TSPAN9: variants seen among roughly 807,000 people sequenced by gnomAD.
TSPAN9 encodes tetraspanin-9.
TSPAN9 carries 16 observed loss-of-function variants against 31.0 expected under a neutral mutation model. That is an observed-to-expected ratio of 0.52 (90% CI 0.35 to 0.78). TSPAN9 has a LOEUF of 0.78. Among genes scored for constraint, TSPAN9 ranks in the 30% least tolerant of loss-of-function variants. The probability of loss-of-function intolerance (pLI) is 0.01; values close to 1 mark genes in which losing one functional copy is unlikely to be tolerated. For synonymous variants in TSPAN9, 145 were observed against 121.6 expected (o/e 1.19, Z -1.27); for missense variants, 272 against 312.5 (o/e 0.87, Z 0.98).
chr12:3,208,974 T>G (rs568570712), intron 3 of TSPAN9, among the ~76,000 whole-genome samples: 1 of 152,198 alleles, frequency 6.6e-6, no homozygotes, highest in Non-Finnish European at 1.5e-5. Flanking sequence ...CAGGGGCTCA[T>G]GCCTGTAATC....
rs1239094819 is a variant in TSPAN9, at chr12:3,285,062, T to C, written c.*1946T>C. 1 of 152,220 alleles carries C rather than the reference T, an allele frequency of 6.6e-6. No individual in the cohort carries two copies. Among genetic ancestry groups the C allele is most frequent in the African/African-American group, 2.4e-5 (1 of 41,436 alleles). 9.4% of individuals were successfully genotyped at this position (152,220 alleles called of 1,614,324 possible). On this transcript the variant is annotated 3_prime_UTR_variant, in exon 9 of 9. Coordinates refer to ENST00000011898, the MANE Select transcript of TSPAN9 (RefSeq NM_006675.5). ...TTCCCTGAGACAGGGGCAGTGGTGC[T>C]GATGGAATGTGGGGGAGGCCCACAT...
intron 3 of TSPAN9, among the ~76,000 whole-genome samples, chr12:3,255,126 T>G (rs600830): frequency 0.97 from 147,453 of 152,330 alleles, 71,559 homozygotes; most frequent in Middle Eastern, 1. Flanking sequence ...AGACAATGAG[T>G]AGCAAGGCAC....
At chr12:3,274,026 G>C (rs1862734925) in intron 3 of TSPAN9, among the ~76,000 whole-genome samples, 1 of 152,182 alleles carries the variant, frequency 6.6e-6, no homozygotes, top group Admixed American at 6.5e-5. Flanking sequence ...TGGGTGCCTG[G>C]CGTGGGGGGA....
intron 2 of TSPAN9, among the ~76,000 whole-genome samples, chr12:3,092,177 G>A (rs2098305078): frequency 2.0e-5 from 3 of 152,198 alleles, no homozygotes; most frequent in African/African-American, 7.2e-5. Context: ...CCTGTAGCAG[G>A]TAAATTCCCC....
intron 2 of TSPAN9, among the ~76,000 whole-genome samples, chr12:3,134,925 T>C (rs1266406794): frequency 6.6e-6 from 1 of 151,872 alleles, no homozygotes; most frequent in Non-Finnish European, 1.5e-5. Context: ...AGAAGAACAA[T>C]GTGGGGAAAA....
rs200763411 is a variant in TSPAN9, at chr12:3,280,529, G to A, written c.432+46G>A. 16 of 1,563,444 alleles carry A rather than the reference G, an allele frequency of 1.0e-5. No homozygotes were observed. The highest frequency in any genetic ancestry group is 9.5e-5 in the African/African-American group (7 of 73,972). On this transcript the variant is annotated intron_variant, in intron 6 of 8. Coordinates refer to ENST00000011898, the MANE Select transcript of TSPAN9 (RefSeq NM_006675.5). The surrounding 1 kb of genome is among the most constrained non-coding windows in gnomAD (Gnocchi z 4.5). The stretch of plus-strand genomic sequence containing the variant: ...GTGGGGCCAGGCAGGGAGGAGGGGT[G>A]GCGGCCGGTACTTCTAGCTGCCTTC...
chr12:3,276,866 T>A (rs1862799079), intron 3 of TSPAN9, among the ~76,000 whole-genome samples: 1 of 152,130 alleles, frequency 6.6e-6, no homozygotes, highest in African/African-American at 2.4e-5. Context: ...GAGATGCCCT[T>A]CCTCAGGGAG....
chr12:3,105,439 A>T (rs1288657913), intron 2 of TSPAN9, among the ~76,000 whole-genome samples: 7 of 151,702 alleles, frequency 4.6e-5, no homozygotes, highest in Non-Finnish European at 8.8e-5. Flanking sequence ...CTTAAAAAAA[A>T]AAAAAAAAGC....
rs77096400 is a variant in TSPAN9 at position 3,143,103 on chromosome 12, G to A, written c.-17-58074G>A. Among the ~76,000 whole-genome samples, 450 of 152,168 alleles carry A rather than the reference G, an allele frequency of 3.0e-3. 1 individual carries two copies. Among genetic ancestry groups the A allele is most frequent in the Non-Finnish European group, 4.4e-3 (301 of 68,002 alleles). On this transcript the variant is annotated intron_variant, in intron 2 of 8. Transcript: ENST00000011898. The surrounding 1 kb of genome is among the most constrained non-coding windows in gnomAD (Gnocchi z 4.2). ...GGAGAGACCACTGTGGCATGGTGAC[G>A]TGTCCTTCTAGGTGTGTGGCATCAA... is the stretch of plus-strand genomic sequence containing the variant.
chr12:3,155,147 G>A (rs1189952447), intron 2 of TSPAN9, among the ~76,000 whole-genome samples: 4 of 152,146 alleles, frequency 2.6e-5, no homozygotes, highest in Non-Finnish European at 4.4e-5. Context: ...TAAAACCTGT[G>A]CGTGGGCTGG....
chr12:3,087,183 T>G (rs2098300966), intron 2 of TSPAN9, among the ~76,000 whole-genome samples: 1 of 152,148 alleles, frequency 6.6e-6, no homozygotes, highest in African/African-American at 2.4e-5. Context: ...GCACTCTGCA[T>G]TGTTTTGGCA....
chr12:3,122,379 A>G (rs953879975), intron 2 of TSPAN9, among the ~76,000 whole-genome samples: 7 of 151,834 alleles, frequency 4.6e-5, no homozygotes, highest in African/African-American at 1.4e-4. Context: ...CAGTAGCACA[A>G]TCATAGCTCA....
chr12:3,086,462 C>G (rs1267749246), intron 2 of TSPAN9, among the ~76,000 whole-genome samples: 1 of 152,162 alleles, frequency 6.6e-6, no homozygotes, highest in Admixed American at 6.5e-5. Flanking sequence ...AATATTCACT[C>G]ACTTTCTGAG....
At position 3,192,829 on chromosome 12, in the gene TSPAN9, A is replaced by T. The variant is rs549311010; in HGVS notation, c.-17-8348A>T. On this transcript the variant is annotated intron_variant, in intron 2 of 8. Transcript: ENST00000011898. This position sits in a 1 kb window ranked among gnomAD's most constrained non-coding sequence, Gnocchi z 4.6. The stretch of plus-strand genomic sequence containing the variant: ...GAGGAGGGCAGCCAGCATTTCCCTT[A>T]GAATTTCAGCCACACAACATTAGCT... Among the ~76,000 whole-genome samples, 4 of 152,308 alleles carry T rather than the reference A, an allele frequency of 2.6e-5. No individual in the cohort carries two copies. In the East Asian group the frequency reaches 7.7e-4, roughly 29 times the overall value.
At chr12:3,112,697 G>C (rs75852213) in intron 2 of TSPAN9, among the ~76,000 whole-genome samples, 1 of 35,864 alleles carries the variant, frequency 2.8e-5, no homozygotes, top group Non-Finnish European at 4.9e-5. Context: ...TTTTTTTTTG[G>C]AGACAGAGTC....
intron 7 of TSPAN9, among the ~76,000 whole-genome samples, 192 bp downstream of exon 7, chr12:3,281,521 CAG>C (rs1862894236): frequency 6.6e-6 from 1 of 152,032 alleles, no homozygotes; most frequent in Non-Finnish European, 1.5e-5. Context: ...TTGGGAGAGT[CAG>C]AGGGCGAGGG....
At chr12:3,113,762 C>T (rs1341629687) in intron 2 of TSPAN9, among the ~76,000 whole-genome samples, 3 of 152,218 alleles carry the variant, frequency 2.0e-5, no homozygotes, top group Non-Finnish European at 2.9e-5. Flanking sequence ...CTCTGCCCTG[C>T]AGCCTCAGTG....
chr12:3,121,515 A>G (rs1014402597), intron 2 of TSPAN9, among the ~76,000 whole-genome samples: 2 of 145,594 alleles, frequency 1.4e-5, no homozygotes, highest in South Asian at 2.2e-4. Flanking sequence ...ACATGCCACC[A>G]TATCTGGCTA....
chr12:3,232,917 CAGAA>C (rs1460487643), intron 3 of TSPAN9, among the ~76,000 whole-genome samples: 2 of 152,212 alleles, frequency 1.3e-5, no homozygotes, highest in East Asian at 3.9e-4. Flanking sequence ...CAGAGCCACA[CAGAA>C]AGATTTTCCT....
Sources: allele counts gnomAD v4.1 joint callset (sites outside exome capture counted in the v4.1 genomes callset), GRCh38; gene constraint gnomAD v4.1.1; non-coding constraint Gnocchi (gnomAD v3.1); transcripts MANE v1.5; gene names NCBI Gene and HGNC (gene_info 2026-07-23, HGNC 2026-07-21).